The following GPC5 variants were observed in gnomAD, a reference collection of about 807,000 sequenced individuals.
GPC5 encodes the protein glypican-5.
A neutral mutation model predicts 53.9 loss-of-function variants in GPC5; 47 were observed. The ratio of observed to expected loss-of-function variants is 0.87; its 90% confidence interval spans 0.69 to 1.11. The LOEUF (loss-of-function observed/expected upper bound fraction) is 1.11. Ranked by LOEUF, GPC5 falls within the 50% of genes most tolerant of loss-of-function variation. GPC5 has a pLI of 0.00. For missense variants in GPC5, 748 were observed against 713.1 expected, an observed-to-expected ratio of 1.05 and a Z score of -0.56; for synonymous variants, 286 against 263.3, an observed-to-expected ratio of 1.09 and a Z score of -0.84.
intron 7 of GPC5, among the ~76,000 whole-genome samples, chr13:92,788,156 CTG>C (rs1876328567): frequency 1.3e-5 from 2 of 151,884 alleles, no homozygotes; most frequent in South Asian, 4.1e-4. Flanking sequence ...GAAGAGAACA[CTG>C]AGAAGAAACA....
chr13:92,007,652 C>T (rs1383953640), intron 6 of GPC5, among the ~76,000 whole-genome samples: 2 of 151,988 alleles, frequency 1.3e-5, no homozygotes, highest in African/African-American at 2.4e-5. Context: ...ATTTGTCAAT[C>T]TCTGCTTTTT....
intron 2 of GPC5, among the ~76,000 whole-genome samples, chr13:91,557,255 T>C (rs2031011743): frequency 6.6e-6 from 1 of 152,186 alleles, no homozygotes; most frequent in Non-Finnish European, 1.5e-5. Flanking sequence ...CTGAGAGTTG[T>C]GTACTGATAT....
intron 4 of GPC5, among the ~76,000 whole-genome samples, chr13:91,736,061 T>C (rs1455198253): frequency 1.3e-5 from 2 of 151,386 alleles, no homozygotes; most frequent in Non-Finnish European, 2.9e-5. Context: ...AAAAACATTA[T>C]TAAATAAAAT....
intron 6 of GPC5, among the ~76,000 whole-genome samples, chr13:91,978,412 G>A (rs1206131463): frequency 6.6e-6 from 1 of 152,224 alleles, no homozygotes; most frequent in Non-Finnish European, 1.5e-5. Flanking sequence ...GGCAGAGGTA[G>A]ATAAACCAAC....
intron 2 of GPC5, among the ~76,000 whole-genome samples, chr13:91,596,331 G>T (rs1467053863): frequency 6.6e-6 from 1 of 151,982 alleles, no homozygotes; most frequent in Non-Finnish European, 1.5e-5. Flanking sequence ...AATTATTATG[G>T]CTAGATCACA....
intron 7 of GPC5, among the ~76,000 whole-genome samples, chr13:92,592,769 A>G (rs1883754423): frequency 6.6e-6 from 1 of 151,318 alleles, no homozygotes; most frequent in Non-Finnish European, 1.5e-5. Flanking sequence ...AAAAAGTCCG[A>G]AGATTGGAAC....
At chr13:91,736,887 A>G (rs551215093) in intron 4 of GPC5, among the ~76,000 whole-genome samples, 1 of 151,420 alleles carries the variant, frequency 6.6e-6, no homozygotes, top group Admixed American at 6.6e-5. Context: ...GGAAATGAGA[A>G]AACAGAACAA....
chr13:91,647,085 GTGTGTGTGT>G (rs1236279064), intron 2 of GPC5, among the ~76,000 whole-genome samples: 1 of 83,896 alleles, frequency 1.2e-5, no homozygotes, highest in African/African-American at 7.2e-5. Context: ...GTGTGTGTGT[GTGTGTGTGT>G]GTGTGTGTGT....
chr13:92,778,703 C>T (rs1243683509), intron 7 of GPC5, among the ~76,000 whole-genome samples: 1 of 152,148 alleles, frequency 6.6e-6, no homozygotes, highest in Non-Finnish European at 1.5e-5. Flanking sequence ...GACTGATCTT[C>T]CTCTGTATTC....
intron 2 of GPC5, among the ~76,000 whole-genome samples, chr13:91,556,361 A>G (rs539564042): frequency 6.6e-6 from 1 of 152,120 alleles, no homozygotes; most frequent in East Asian, 1.9e-4. Flanking sequence ...CATTTGATCC[A>G]GCAATCCCAC....
chr13:92,009,627 T>G (rs2138771491), intron 6 of GPC5, among the ~76,000 whole-genome samples: 1 of 152,062 alleles, frequency 6.6e-6, no homozygotes, highest in Admixed American at 6.6e-5. Flanking sequence ...TTTCTAGGGG[T>G]TTTTCTCCTT....
intron 6 of GPC5, among the ~76,000 whole-genome samples, chr13:91,963,855 T>C (rs1041312868): frequency 2.6e-5 from 4 of 152,158 alleles, no homozygotes; most frequent in African/African-American, 9.7e-5. Context: ...GCATCAATCA[T>C]AGAACACTTT....
intron 7 of GPC5, among the ~76,000 whole-genome samples, chr13:92,819,726 A>C (rs1230446449): frequency 2.6e-5 from 4 of 152,146 alleles, no homozygotes; most frequent in African/African-American, 9.7e-5. Context: ...GATTTAATAC[A>C]ATTCAGAACA....
intron 7 of GPC5, among the ~76,000 whole-genome samples, chr13:92,714,477 T>C (rs984309293): frequency 2.6e-5 from 4 of 152,166 alleles, no homozygotes; most frequent in African/African-American, 9.7e-5. Context: ...ATAAAGAACA[T>C]TGCCATCAAC....
At chr13:92,581,826 A>G (rs1883382829) in intron 7 of GPC5, among the ~76,000 whole-genome samples, 1 of 152,054 alleles carries the variant, frequency 6.6e-6, no homozygotes, top group African/African-American at 2.4e-5. Flanking sequence ...TGATGCTGAG[A>G]ATTTTTATAC....
chr13:92,164,621 A>G (rs2042014174), intron 7 of GPC5, among the ~76,000 whole-genome samples: 1 of 152,090 alleles, frequency 6.6e-6, no homozygotes, highest in Non-Finnish European at 1.5e-5. Context: ...TGGCTTTTCC[A>G]GGCACACAGT....
intron 7 of GPC5, among the ~76,000 whole-genome samples, chr13:92,695,499 G>A (rs892706895): frequency 5.3e-5 from 8 of 151,724 alleles, no homozygotes; most frequent in Non-Finnish European, 1.0e-4. Context: ...TTCCTTCCAA[G>A]TATTTATATC....
chr13:92,471,971 T>C (rs1878930686), intron 7 of GPC5, among the ~76,000 whole-genome samples: 1 of 152,158 alleles, frequency 6.6e-6, no homozygotes, highest in Non-Finnish European at 1.5e-5. Flanking sequence ...TATTTAATCA[T>C]TGTGTTCCTT....
At chr13:91,728,096 C>A (rs1407151859) in intron 3 of GPC5, among the ~76,000 whole-genome samples, 2 of 152,046 alleles carry the variant, frequency 1.3e-5, no homozygotes, top group Non-Finnish European at 1.5e-5. Context: ...AAGAAAACTA[C>A]AAAGATATTT....
Sources: gnomAD v4.1 joint callset for allele counts (sites outside exome capture counted in the v4.1 genomes callset) on GRCh38, gnomAD v4.1.1 for gene constraint, MANE v1.5 for transcripts, NCBI Gene and HGNC (gene_info 2026-07-23, HGNC 2026-07-21) for gene names.